NPSR1: variants seen among roughly 807,000 people sequenced by gnomAD.
NPSR1 encodes the protein neuropeptide S receptor 1.
In NPSR1, 48 loss-of-function variants were observed where a neutral mutation model predicts 46.9. The ratio of observed to expected loss-of-function variants is 1.02; its 90% CI spans 0.81 to 1.30. The LOEUF (loss-of-function observed/expected upper bound fraction) is 1.30, where lower values mean the gene tolerates loss of function less well. Ranked by LOEUF, NPSR1 falls within the 50% of genes most tolerant of loss-of-function variation. The probability of loss-of-function intolerance (pLI) is 0.00; values close to 1 mark genes in which losing one functional copy is unlikely to be tolerated. For synonymous variants in NPSR1, 176 were observed against 168.1 expected (o/e 1.05, Z -0.36); for missense variants, 450 against 449.5 (o/e 1.00, Z -0.01).
chr7:34,774,471 C>T (rs537391319), intron 2 of NPSR1, among the ~76,000 whole-genome samples: 1 of 152,306 alleles, frequency 6.6e-6, no homozygotes, highest in East Asian at 1.9e-4. Flanking sequence ...TGACTTAGTG[C>T]ATTGGCAATA....
intron 3 of NPSR1, among the ~76,000 whole-genome samples, chr7:34,789,709 C>T (rs1447041457): frequency 8.5e-6 from 1 of 117,180 alleles, no homozygotes; most frequent in Non-Finnish European, 1.6e-5. Flanking sequence ...AAGAGAATTG[C>T]TTGAACCCAG....
At chr7:34,872,630 C>A (rs1791484861) in intron 8 of NPSR1, among the ~76,000 whole-genome samples, 1 of 151,726 alleles carries the variant, frequency 6.6e-6, no homozygotes. Flanking sequence ...GCTGGGGAGG[C>A]CTCACAATCA....
chr7:34,818,989 C>T (rs887772806), intron 4 of NPSR1, among the ~76,000 whole-genome samples: 4 of 152,106 alleles, frequency 2.6e-5, no homozygotes, highest in African/African-American at 9.7e-5. Flanking sequence ...TAGGCAATAC[C>T]ATTCAGGACA....
intron 4 of NPSR1, among the ~76,000 whole-genome samples, chr7:34,817,873 C>A (rs1397183122): frequency 6.6e-6 from 1 of 152,172 alleles, no homozygotes; most frequent in African/African-American, 2.4e-5. Flanking sequence ...CAACGCCCTT[C>A]ATGCTAAAAA....
chr7:34,750,771 A>G, intron 2 of NPSR1: 1 of 694,278 alleles, frequency 1.4e-6, no homozygotes, highest in Non-Finnish European at 2.7e-6. Flanking sequence ...TGTGACACAC[A>G]GTAGGCCAGG....
chr7:34,871,302 C>T (rs1241766622), intron 8 of NPSR1, among the ~76,000 whole-genome samples: 1 of 151,558 alleles, frequency 6.6e-6, no homozygotes, highest in African/African-American at 2.4e-5. Flanking sequence ...AGAACTCACT[C>T]ATCATTAGGG....
intron 1 of NPSR1, among the ~76,000 whole-genome samples, chr7:34,659,103 C>T (rs994532983): frequency 2.6e-5 from 4 of 152,156 alleles, no homozygotes; most frequent in East Asian, 1.9e-4. Flanking sequence ...CCATTTGCAA[C>T]AAATTACCTC....
At chr7:34,733,791 T>C (rs910388755) in intron 2 of NPSR1, among the ~76,000 whole-genome samples, 2 of 152,260 alleles carry the variant, frequency 1.3e-5, no homozygotes, top group Non-Finnish European at 2.9e-5. Context: ...TTATAAGTTA[T>C]GGCCTTCTAT....
intron 8 of NPSR1, among the ~76,000 whole-genome samples, chr7:34,874,495 G>A (rs1380250351): frequency 6.6e-6 from 1 of 152,048 alleles, no homozygotes; most frequent in African/African-American, 2.4e-5. Flanking sequence ...GTCATTTAAT[G>A]TTGTCCCCAG....
chr7:34,761,680 CCTT>C (rs35325777), intron 2 of NPSR1, among the ~76,000 whole-genome samples: 10,512 of 152,230 alleles, frequency 0.069, 1,031 homozygotes, highest in African/African-American at 0.22. Context: ...ACTCTCCTCT[CCTT>C]CTCTTGGATT....
chr7:34,845,134 A>C, intron 7 of NPSR1, 152 bp downstream of exon 7: 1 of 661,782 alleles, frequency 1.5e-6, no homozygotes, highest in Non-Finnish European at 2.8e-6. Context: ...CAGCCCATTC[A>C]TGGTTCCTTC....
At chr7:34,710,947 G>A (rs1783250896) in intron 2 of NPSR1, 3 of 359,142 alleles carry the variant, frequency 8.4e-6, no homozygotes, top group African/African-American at 2.2e-5. Flanking sequence ...CAGGCAGATG[G>A]GACAGAACTG....
At chr7:34,751,824 T>C in intron 2 of NPSR1, 4 of 1,589,102 alleles carry the variant, frequency 2.5e-6, no homozygotes, top group South Asian at 1.1e-5. Flanking sequence ...TCTCTGCCAG[T>C]TGGTAAATGA....
chr7:34,784,695 C>A (rs1160841270), intron 3 of NPSR1, among the ~76,000 whole-genome samples: 1 of 152,006 alleles, frequency 6.6e-6, no homozygotes, highest in Non-Finnish European at 1.5e-5. Flanking sequence ...TGATGCTGGC[C>A]TCATAAAATG....
rs759951847 is a variant in NPSR1 at position 34,778,585 on chromosome 7, T to C, written c.384+20T>C. 2 of 1,462,268 alleles carry C rather than the reference T, an allele frequency of 1.4e-6. No individual in the cohort carries two copies. The highest frequency in any genetic ancestry group is 2.8e-5 in the African/African-American group (2 of 71,504). 90.6% of individuals were successfully genotyped at this position (1,462,268 alleles called of 1,614,324 possible). ...TTGCAGGTATGTCACACCTTCCAAA[T>C]GTGATGAGACAAACTGATACCAGAG... On this transcript the variant is annotated intron_variant, in intron 3 of 8. Coordinates refer to ENST00000360581, the MANE Select transcript of NPSR1 (RefSeq NM_207172.2).
At chr7:34,858,920 AAT>A (rs1791120325) in intron 8 of NPSR1, among the ~76,000 whole-genome samples, 1 of 151,714 alleles carries the variant, frequency 6.6e-6, no homozygotes, top group Non-Finnish European at 1.5e-5. Context: ...CAAAGCAGGA[AAT>A]CACTTTTTAT....
chr7:34,770,191 A>G (rs989148849), intron 2 of NPSR1, among the ~76,000 whole-genome samples: 3 of 152,208 alleles, frequency 2.0e-5, no homozygotes, highest in African/African-American at 7.2e-5. Context: ...AAATTAAGGA[A>G]TCAGTAAGCC....
intron 2 of NPSR1, among the ~76,000 whole-genome samples, chr7:34,746,052 A>G (rs1457090347): frequency 2.0e-5 from 3 of 152,240 alleles, no homozygotes; most frequent in Non-Finnish European, 4.4e-5. Context: ...TCCTCAGACT[A>G]CACACTCAGA....
intron 2 of NPSR1, among the ~76,000 whole-genome samples, chr7:34,725,865 G>A (rs1314141933): frequency 6.6e-6 from 1 of 152,138 alleles, no homozygotes; most frequent in Non-Finnish European, 1.5e-5. Flanking sequence ...AAATCATGGG[G>A]GCAGTTTCCC....
Sources: allele counts gnomAD v4.1 joint callset (sites outside exome capture counted in the v4.1 genomes callset), GRCh38; gene constraint gnomAD v4.1.1; transcripts MANE v1.5; gene names NCBI Gene and HGNC (gene_info 2026-07-23, HGNC 2026-07-21).